Variants in QKI observed in about 807,000 individuals in gnomAD.
QKI encodes the protein KH domain-containing RNA-binding protein QKI.
A neutral mutation model predicts 39.0 loss-of-function variants in QKI; 10 were observed. The observed-to-expected ratio is 0.26, with a 90% CI of 0.16 to 0.43. QKI has a LOEUF of 0.43. QKI is among the 20% of genes least tolerant of loss of function. The probability of loss-of-function intolerance (pLI) is 1.00; values close to 1 mark genes in which losing one functional copy is unlikely to be tolerated. For missense variants in QKI, 218 were observed against 428.0 expected (o/e 0.51, Z 4.33); for synonymous variants, 204 against 155.4 (o/e 1.31, Z -2.33).
chr6:163,437,449 T>C (rs1789398923), intron 1 of QKI, among the ~76,000 whole-genome samples: 1 of 152,182 alleles, frequency 6.6e-6, no homozygotes, highest in Admixed American at 6.5e-5. Flanking sequence ...ATACTGGTGG[T>C]GATTTACTTT....
chr6:163,415,456 TG>T lies in QKI; in HGVS notation c.142+124del, dbSNP rs1324733290. 5 of 960,240 alleles carry T rather than the reference TG, an allele frequency of 5.2e-6. No homozygotes were observed. The East Asian group carries it at 1.5e-4, about 29-fold the overall frequency. 59.5% of individuals were successfully genotyped at this position (960,240 alleles called of 1,614,324 possible). On this transcript the variant is annotated intron_variant, in intron 1 of 7. Coordinates refer to ENST00000361752, the MANE Select transcript of QKI (RefSeq NM_006775.3). ...GGGCGGGACCGAGCGCCGGGGGGAC[TG>T]GGAGGCCAGGAGGGCGCACAAAGGA...
intron 1 of QKI, among the ~76,000 whole-genome samples, chr6:163,421,374 C>T (rs1388017212): frequency 6.6e-6 from 1 of 152,176 alleles, no homozygotes; most frequent in Non-Finnish European, 1.5e-5. Context: ...AGAAAAACTA[C>T]CAGTGCTCAT....
intron 1 of QKI, among the ~76,000 whole-genome samples, chr6:163,453,536 A>G: frequency 6.6e-6 from 1 of 152,170 alleles, no homozygotes; most frequent in Non-Finnish European, 1.5e-5. Flanking sequence ...AAATGATGTA[A>G]AGGAGTTTAA....
At chr6:163,454,090 A>G (rs185453159) in intron 1 of QKI, among the ~76,000 whole-genome samples, 1 of 152,320 alleles carries the variant, frequency 6.6e-6, no homozygotes, top group East Asian at 1.9e-4. Flanking sequence ...TTTAAATACT[A>G]ATGGATGCAA....
intron 3 of QKI, among the ~76,000 whole-genome samples, chr6:163,526,749 C>G (rs1477747325): frequency 6.6e-6 from 1 of 152,132 alleles, no homozygotes; most frequent in Non-Finnish European, 1.5e-5. Context: ...TGATCTTGTT[C>G]AGAATTGTTT....
chr6:163,517,708 C>G (rs1440853084), intron 3 of QKI, among the ~76,000 whole-genome samples: 3 of 152,118 alleles, frequency 2.0e-5, no homozygotes, highest in Non-Finnish European at 4.4e-5. Flanking sequence ...TGGAAACATA[C>G]AAGAAATGAA....
rs535643255 is a variant in QKI at position 163,572,722 on chromosome 6, G to T, written c.*2012G>T. ...TCGTCCCCTCTTCCACACCTTCCCA[G>T]CATCACAGTCAGAGGTCAGCAGGAA... On this transcript the variant is annotated 3_prime_UTR_variant, in exon 8 of 8. Transcript: ENST00000361752. 4 of 66,894 alleles carry T rather than the reference G, an allele frequency of 6.0e-5. No individual in the cohort carries two copies. The highest frequency in any genetic ancestry group is 1.1e-3 in the South Asian group (2 of 1,858). 4.1% of individuals were successfully genotyped at this position (66,894 alleles called of 1,614,324 possible).
At chr6:163,518,335 A>G (rs1779956598) in intron 3 of QKI, among the ~76,000 whole-genome samples, 2 of 152,176 alleles carry the variant, frequency 1.3e-5, no homozygotes, top group Admixed American at 1.3e-4. Context: ...ATAAGATACA[A>G]TCAATGCCTG....
At chr6:163,533,666 T>C (rs904683958) in intron 3 of QKI, among the ~76,000 whole-genome samples, 1 of 152,196 alleles carries the variant, frequency 6.6e-6, no homozygotes, top group African/African-American at 2.4e-5. Flanking sequence ...CAGTCAGATA[T>C]TCTGAGCTGG....
chr6:163,510,217 AAATAATAATAATAATAATAAT>A lies in QKI; in HGVS notation c.403-24741_403-24721del, dbSNP rs142297811. On this transcript the variant is annotated intron_variant, in intron 3 of 7. Transcript: ENST00000361752. ...GGCAGCAGAGCAAGACTCTATCTCA[AAATAATAATAATAATAATAAT>A]AATAATAATAATAATAATAATAAGT... is the stretch of plus-strand genomic sequence containing the variant. Among the ~76,000 whole-genome samples the A allele has an allele frequency of 7.2e-4, 98 of 136,260 alleles. 1 individual carries two copies. Among genetic ancestry groups the A allele is most frequent in the Non-Finnish European group, 1.1e-3 (68 of 64,458 alleles). 89.4% of individuals were successfully genotyped at this position (136,260 alleles called of 152,430 possible).
At chr6:163,564,178 T>G in intron 6 of QKI, 3 of 1,020,218 alleles carry the variant, frequency 2.9e-6, no homozygotes, top group Non-Finnish European at 3.5e-6. Flanking sequence ...TTGTGTGTGT[T>G]TTGTAATATT....
intron 1 of QKI, among the ~76,000 whole-genome samples, chr6:163,418,523 C>G (rs1787727651): frequency 6.6e-6 from 1 of 151,824 alleles, no homozygotes; most frequent in African/African-American, 2.4e-5. Flanking sequence ...GGTGTGTGTG[C>G]CAGCTCTTCC....
rs542686781 is a variant in QKI at position 163,531,445 on chromosome 6, A to T, written c.403-3537A>T. Among the ~76,000 whole-genome samples, 5 of 152,276 alleles carry T rather than the reference A, an allele frequency of 3.3e-5. No individual in the cohort carries two copies. The South Asian group carries it at 1.0e-3, about 32-fold the overall frequency. On this transcript the variant is annotated intron_variant, in intron 3 of 7. Transcript: ENST00000361752. ...TGTGGACAGGGGATATGGGAATTGA[A>T]CTGCTTTTTAATGAGAGTTCATCTA...
At chr6:163,479,899 T>A (rs940722279) in intron 3 of QKI, among the ~76,000 whole-genome samples, 2 of 152,214 alleles carry the variant, frequency 1.3e-5, no homozygotes, top group African/African-American at 4.8e-5. Context: ...CTGGGAGAGT[T>A]AGAAGACAGA....
At position 163,473,866 on chromosome 6, in the gene QKI, G is replaced by A. The variant is rs115917839; in HGVS notation, c.286-4914G>A. Reference sequence around the variant, plus strand: ...TAACCTTGATACCAAAACCTGAGACGTGTATTATGAGAAAGAAAAATTGTG... The same window carrying A: ...TAACCTTGATACCAAAACCTGAGACATGTATTATGAGAAAGAAAAATTGTG... On this transcript the variant is annotated intron_variant, in intron 2 of 7. Coordinates refer to ENST00000361752, the MANE Select transcript of QKI (RefSeq NM_006775.3). Among the ~76,000 whole-genome samples, 520 of 152,036 alleles carry A rather than the reference G, an allele frequency of 3.4e-3. 2 individuals are homozygous for A. The highest frequency in any genetic ancestry group is 0.012 in the African/African-American group (498 of 41,444).
intron 3 of QKI, among the ~76,000 whole-genome samples, chr6:163,519,147 T>C (rs1357972034): frequency 6.6e-6 from 1 of 152,112 alleles, no homozygotes; most frequent in African/African-American, 2.4e-5. Context: ...ATATATCCTC[T>C]CCCTTTCCCC....
chr6:163,546,463 G>T (rs1471172124), intron 4 of QKI, among the ~76,000 whole-genome samples: 1 of 151,786 alleles, frequency 6.6e-6, no homozygotes, highest in South Asian at 2.1e-4. Flanking sequence ...CCACATTTCA[G>T]ATGTTTCAGT....
Position 163,478,136 on chromosome 6 carries a change from T to A in QKI, c.286-644T>A, listed in dbSNP as rs1047364960. Among the ~76,000 whole-genome samples, 4 of 152,166 alleles carry A rather than the reference T, an allele frequency of 2.6e-5. No individual in the cohort carries two copies. The South Asian group carries it at 8.3e-4, about 31-fold the overall frequency. On this transcript the variant is annotated intron_variant, in intron 2 of 7. Coordinates refer to ENST00000361752, the MANE Select transcript of QKI (RefSeq NM_006775.3). ...TTTCTGTTGAGGGATGGTAATTTTT[T>A]ATTTTTTTATTGTACAGTTTTTAAT... is the stretch of plus-strand genomic sequence containing the variant.
chr6:163,487,880 CT>C (rs781616864), intron 3 of QKI, among the ~76,000 whole-genome samples: 3 of 151,786 alleles, frequency 2.0e-5, no homozygotes, highest in African/African-American at 7.3e-5. Context: ...TTTCTAGGTC[CT>C]TTTTTTCAGT....
Sources: gnomAD v4.1 joint callset for allele counts (sites outside exome capture counted in the v4.1 genomes callset) on GRCh38, gnomAD v4.1.1 for gene constraint, MANE v1.5 for transcripts, NCBI Gene and HGNC (gene_info 2026-07-23, HGNC 2026-07-21) for gene names.